NBAS: variants seen among roughly 807,000 people sequenced by gnomAD.
NBAS encodes the protein NAG/BC035112 fusion.
NBAS carries 219 observed loss-of-function variants against 302.5 expected under a neutral mutation model. That is an observed-to-expected ratio of 0.72 (90% CI 0.65 to 0.81). The LOEUF is 0.81. NBAS is among the 30% of genes least tolerant of loss of function. NBAS has a pLI of 0.00. For missense variants in NBAS, 2,932 were observed against 2,841.6 expected, an observed-to-expected ratio of 1.03 and a Z score of -0.72; for synonymous variants, 1,118 against 1,021.6, an observed-to-expected ratio of 1.09 and a Z score of -1.80.
At chr2:14,986,046 G>C in the NBAS span, among the ~76,000 whole-genome samples, 1 of 152,072 alleles carries the variant, frequency 6.6e-6, no homozygotes, top group Non-Finnish European at 1.5e-5. Flanking sequence ...CCTTTTAAGC[G>C]CAATGCATTT....
At chr2:15,350,454 G>A (rs1673298885) in intron 35 of NBAS, among the ~76,000 whole-genome samples, 1 of 152,162 alleles carries the variant, frequency 6.6e-6, no homozygotes, top group Non-Finnish European at 1.5e-5. Context: ...TGGGATGTCA[G>A]AAACCGGGCC....
At chr2:14,828,786 T>C in the NBAS span, among the ~76,000 whole-genome samples, 3 of 152,092 alleles carry the variant, frequency 2.0e-5, no homozygotes, top group East Asian at 5.8e-4. Context: ...GACTTGCTGA[T>C]GGATTAGAAG....
At chr2:14,970,325 A>G in the NBAS span, among the ~76,000 whole-genome samples, 216 of 152,334 alleles carry the variant, frequency 1.4e-3, no homozygotes, top group African/African-American at 4.9e-3. Context: ...TATGAATCTC[A>G]TTTATATAAG....
chr2:15,353,582 A>G lies in NBAS; in HGVS notation c.4060T>C (p.Leu1354=), dbSNP rs1160984354. 1.9e-6 allele frequency: 3 copies of G among 1,614,062 alleles called. No individual in the cohort carries two copies. The East Asian group carries it at 6.7e-5, about 36-fold the overall frequency. ...HCPPSSIELL[L]AASSSLQTEI... ...GTCTGCAGAGAGCTGCTAGCTGCCA[A>G]AAGAAGTTCAATGCTGCTAGGAGGG... Residue 1354 remains leucine, a synonymous_variant, in exon 34 of 52, where the codon TTG becomes CTG. Transcript: ENST00000281513.
chr2:15,499,030 A>G (rs995413299), intron 11 of NBAS, among the ~76,000 whole-genome samples: 2 of 151,744 alleles, frequency 1.3e-5, no homozygotes, highest in African/African-American at 4.8e-5. Flanking sequence ...CTGGGTTCAA[A>G]CAATCTTCCC....
intron 44 of NBAS, among the ~76,000 whole-genome samples, chr2:15,265,776 T>C (rs1160843769): frequency 6.6e-6 from 1 of 152,202 alleles, no homozygotes; most frequent in African/African-American, 2.4e-5. Context: ...GGGAAGATTC[T>C]AAATGTTTTA....
chr2:15,100,084 A>AT, the NBAS span, among the ~76,000 whole-genome samples: 630 of 152,332 alleles, frequency 4.1e-3, 4 homozygotes, highest in African/African-American at 0.015. Flanking sequence ...CAGTTTGAAC[A>AT]TTACATTCTC....
chr2:14,943,928 A>G, the NBAS span, among the ~76,000 whole-genome samples: 1 of 152,170 alleles, frequency 6.6e-6, no homozygotes, highest in Non-Finnish European at 1.5e-5. Context: ...AAGGAACCAC[A>G]TTGGTCCACA....
chr2:14,862,376 C>A, the NBAS span, among the ~76,000 whole-genome samples: 24 of 152,106 alleles, frequency 1.6e-4, no homozygotes, highest in Admixed American at 1.6e-3. Context: ...CTCAACCTCC[C>A]AAAGTGCTGG....
At chr2:15,190,179 T>C (rs1338052866) in intron 49 of NBAS, 85 bp downstream of exon 49, 13 of 1,470,704 alleles carry the variant, frequency 8.8e-6, no homozygotes, top group Middle Eastern at 1.7e-4. Context: ...TATTCTTTCA[T>C]TGGCTCTTTG....
intron 46 of NBAS, 82 bp downstream of exon 46, chr2:15,234,463 T>G (rs1667504039): frequency 7.0e-6 from 10 of 1,428,160 alleles, no homozygotes; most frequent in Middle Eastern, 1.7e-4. Context: ...ATAAAATGCT[T>G]TTACATACAG....
At chr2:15,396,392 A>T (rs755869405) in intron 27 of NBAS, 21 bp downstream of exon 27, 1 of 1,597,688 alleles carries the variant, frequency 6.3e-7, no homozygotes, top group Non-Finnish European at 8.5e-7. Flanking sequence ...GGAGAAAAAA[A>T]AAAACTGTCA....
chr2:15,424,109 T>C (rs928755100), intron 23 of NBAS, among the ~76,000 whole-genome samples: 1 of 152,240 alleles, frequency 6.6e-6, no homozygotes, highest in African/African-American at 2.4e-5. Context: ...ACGTTACTTT[T>C]ATGCACCTGC....
Position 15,167,222 on chromosome 2 carries a change from G to C in NBAS, c.6942C>G (p.Asp2314Glu), listed in dbSNP as rs1664066885. Residue 2314 changes from aspartate to glutamate, a missense_variant, in exon 52 of 52, where the codon GAC becomes GAG. Asp to Glu is a conservative substitution (Grantham distance 45, BLOSUM62 2). Coordinates refer to ENST00000281513, the MANE Select transcript of NBAS (RefSeq NM_015909.4). Reference protein sequence around the residue: ...VSTPFYPRIVDHLLASLQQGR... With the variant: ...VSTPFYPRIVEHLLASLQQGR... ...CTTGCTGGAGGCTAGCCAAGAGGTG[G>C]TCAACAATACGTGGATAGAAGGGAG... 2 of 1,614,262 alleles carry C rather than the reference G, an allele frequency of 1.2e-6. No homozygotes were observed. Among genetic ancestry groups the C allele is most frequent in the Non-Finnish European group, 8.5e-7 (1 of 1,180,048 alleles).
intron 11 of NBAS, 70 bp downstream of exon 11, chr2:15,504,075 T>G (rs1661716197): frequency 7.6e-7 from 1 of 1,316,688 alleles, no homozygotes; most frequent in African/African-American, 1.5e-5. Context: ...TTCATTCAGC[T>G]TTGACCTTAA....
At chr2:15,303,542 T>G (rs1670900819) in intron 40 of NBAS, among the ~76,000 whole-genome samples, 1 of 152,184 alleles carries the variant, frequency 6.6e-6, no homozygotes, top group African/African-American at 2.4e-5. Flanking sequence ...CTTGGCAAGC[T>G]TTAGCTGTGG....
the NBAS span, among the ~76,000 whole-genome samples, chr2:14,967,554 A>G: frequency 2.0e-5 from 3 of 152,226 alleles, no homozygotes; most frequent in Non-Finnish European, 4.4e-5. Flanking sequence ...CACATGCAAA[A>G]ATTAACTTAA....
chr2:15,155,453 T>G, the NBAS span, among the ~76,000 whole-genome samples: 1 of 152,178 alleles, frequency 6.6e-6, no homozygotes, highest in Admixed American at 6.5e-5. Context: ...TGATTCTGTT[T>G]CCCATCTAAG....
chr2:15,244,692 A>G (rs1195894258), intron 44 of NBAS, among the ~76,000 whole-genome samples: 1 of 152,066 alleles, frequency 6.6e-6, no homozygotes. Flanking sequence ...TGCGCAGCCT[A>G]CTGAGTATTA....
Sources: gnomAD v4.1 joint callset for allele counts (sites outside exome capture counted in the v4.1 genomes callset) on GRCh38, gnomAD v4.1.1 for gene constraint, MANE v1.5 for transcripts, NCBI Gene and HGNC (gene_info 2026-07-23, HGNC 2026-07-21) for gene names.